EVI5: variants seen among roughly 807,000 people sequenced by gnomAD.
EVI5 encodes the protein ecotropic viral integration site 5 protein homolog.
Under a neutral mutation model 112.0 loss-of-function variants are expected in EVI5, and 73 were observed. The ratio of observed to expected loss-of-function variants is 0.65; its 90% confidence interval spans 0.54 to 0.79. The LOEUF (loss-of-function observed/expected upper bound fraction) is 0.79. Among genes scored for constraint, EVI5 ranks in the 30% least tolerant of loss-of-function variants. The pLI, the probability that EVI5 is intolerant of heterozygous loss-of-function variation, is 0.00. For missense variants in EVI5, 900 were observed against 968.8 expected (o/e 0.93, Z 0.94); for synonymous variants, 305 against 319.9 (o/e 0.95, Z 0.50).
At chr1:92,721,744 AT>A (rs1448741111) in intron 2 of EVI5, among the ~76,000 whole-genome samples, 2 of 152,202 alleles carry the variant, frequency 1.3e-5, no homozygotes, top group Admixed American at 1.3e-4. Context: ...CACATCTGGT[AT>A]TCTGGGGTAA....
chr1:92,695,068 T>G (rs540227834), intron 7 of EVI5, among the ~76,000 whole-genome samples: 6 of 152,354 alleles, frequency 3.9e-5, no homozygotes, highest in Middle Eastern at 3.4e-3. Context: ...ATGTATTGTG[T>G]GTCCATAGAC....
At chr1:92,642,692 T>A (rs529876008) in intron 13 of EVI5, among the ~76,000 whole-genome samples, 4 of 152,252 alleles carry the variant, frequency 2.6e-5, no homozygotes, top group Non-Finnish European at 5.9e-5. Context: ...GATGGGTTTA[T>A]ATTCTTCATA....
At chr1:92,558,028 G>A (rs147021915) in intron 19 of EVI5, among the ~76,000 whole-genome samples, 4 of 152,222 alleles carry the variant, frequency 2.6e-5, no homozygotes, top group East Asian at 1.9e-4. Flanking sequence ...ATGGGCCTCC[G>A]TGCCTGGCCA....
At chr1:92,785,255 C>T (rs1037551044), upstream of EVI5, 22 of 251,688 alleles carry the variant, frequency 8.7e-5, no homozygotes, top group African/African-American at 5.1e-4. Context: ...GGAAATCGCT[C>T]TCGCCCTCCG....
intron 9 of EVI5, among the ~76,000 whole-genome samples, chr1:92,691,410 T>C (rs1020616423): frequency 1.3e-5 from 2 of 152,166 alleles, no homozygotes; most frequent in African/African-American, 4.8e-5. Context: ...ATATTAACAG[T>C]TGTTAAATAC....
intron 13 of EVI5, among the ~76,000 whole-genome samples, chr1:92,640,351 T>C (rs909578689): frequency 5.9e-5 from 9 of 152,120 alleles, no homozygotes; most frequent in Non-Finnish European, 1.3e-4. Flanking sequence ...ATTTTTGCAA[T>C]CTACCCATCT....
intron 2 of EVI5, among the ~76,000 whole-genome samples, chr1:92,710,085 G>GAAAAAAAAAAAAAAAAA (rs1672609156): frequency 3.0e-4 from 1 of 3,316 alleles, no homozygotes; most frequent in Non-Finnish European, 5.9e-4. Flanking sequence ...TTATTGCAAA[G>GAAAAAAAAAAAAAAAAA]CAAAAAAAAA....
intron 14 of EVI5, among the ~76,000 whole-genome samples, chr1:92,632,880 T>C (rs904898752): frequency 2.6e-5 from 4 of 152,250 alleles, no homozygotes; most frequent in East Asian, 3.8e-4. Context: ...TGTGTCTTTG[T>C]CCTCATTGGT....
chr1:92,552,880 T>C (rs1667152069), intron 19 of EVI5, among the ~76,000 whole-genome samples: 1 of 152,076 alleles, frequency 6.6e-6, no homozygotes, highest in South Asian at 2.1e-4. Context: ...ATCTAGCATC[T>C]TACCCCTCTC....
chr1:92,513,167 A>G lies in EVI5; in HGVS notation c.*489T>C, dbSNP rs78900584. 1 of 26,594 alleles carries G rather than the reference A, an allele frequency of 3.8e-5. No individual in the cohort carries two copies. The highest frequency in any genetic ancestry group is 7.7e-5 in the African/African-American group (1 of 12,960). 1.6% of individuals were successfully genotyped at this position (26,594 alleles called of 1,614,324 possible). A position where few individuals can be genotyped will look rare whatever the true frequency, so the allele number is the denominator to read the frequency against. On this transcript the variant is annotated 3_prime_UTR_variant, in exon 20 of 20. Transcript: ENST00000684568. ...TGTCTTAAAAAAAAAAACAACAATA[A>G]AAAAAAAAACACAAGGTAAATCAGA... is the stretch of plus-strand genomic sequence containing the variant.
intron 9 of EVI5, among the ~76,000 whole-genome samples, chr1:92,689,523 C>T (rs1328552236): frequency 6.6e-6 from 1 of 152,162 alleles, no homozygotes; most frequent in African/African-American, 2.4e-5. Context: ...GGCGCCACCA[C>T]ATCCAGCTAA....
chr1:92,746,984 G>A (rs554870758), intron 1 of EVI5, among the ~76,000 whole-genome samples: 28 of 152,020 alleles, frequency 1.8e-4, no homozygotes, highest in Non-Finnish European at 3.4e-4. Flanking sequence ...TACAAGTAAC[G>A]GGGGAAAAGC....
At chr1:92,600,183 C>T (rs1483188020) in intron 18 of EVI5, among the ~76,000 whole-genome samples, 3 of 151,904 alleles carry the variant, frequency 2.0e-5, no homozygotes, top group Admixed American at 1.3e-4. Context: ...GAAGAGTTGG[C>T]GATATGCAAA....
At chr1:92,691,198 G>C (rs1423962030) in intron 9 of EVI5, among the ~76,000 whole-genome samples, 2 of 152,146 alleles carry the variant, frequency 1.3e-5, no homozygotes, top group Admixed American at 1.3e-4. Context: ...AACATAGACT[G>C]AGTATTAGGC....
At chr1:92,769,557 G>A (rs547972837) in intron 1 of EVI5, among the ~76,000 whole-genome samples, 88 of 152,118 alleles carry the variant, frequency 5.8e-4, no homozygotes, top group Middle Eastern at 6.8e-3. Flanking sequence ...TATCTTATAC[G>A]GCAGAGGGTG....
At chr1:92,528,430 T>C (rs535592175) in intron 19 of EVI5, among the ~76,000 whole-genome samples, 17 of 152,270 alleles carry the variant, frequency 1.1e-4, no homozygotes, top group Admixed American at 3.3e-4. Context: ...TGAACAATTA[T>C]AGTAGTCACC....
In EVI5 at chr1:92,540,420, C is replaced by T. The variant is rs150469979; in HGVS notation, c.2166+23222G>A. On this transcript the variant is annotated intron_variant, in intron 19 of 19. Coordinates refer to ENST00000684568, the MANE Select transcript of EVI5 (RefSeq NM_001350197.2). ...TCTCACTGTCATTTTGGTTTGCATT[C>T]CCTTGATCACTGATGTTGGGCATAT... Among the ~76,000 whole-genome samples the T allele has an allele frequency of 7.0e-4, 107 of 152,238 alleles. 1 individual carries two copies. Among genetic ancestry groups the T allele is most frequent in the African/African-American group, 2.5e-3 (104 of 41,534 alleles).
intron 19 of EVI5, among the ~76,000 whole-genome samples, chr1:92,533,690 T>A (rs189901964): frequency 3.3e-4 from 50 of 152,262 alleles, no homozygotes; most frequent in Non-Finnish European, 6.2e-4. Flanking sequence ...ACCACGTTTA[T>A]CTCAATAGAT....
At chr1:92,538,784 A>T (rs1664296613) in intron 19 of EVI5, among the ~76,000 whole-genome samples, 1 of 152,160 alleles carries the variant, frequency 6.6e-6, no homozygotes, top group Admixed American at 6.6e-5. Flanking sequence ...GCAGAGGTGG[A>T]GGGAGGAGAA....
Sources: gnomAD v4.1 joint callset for allele counts (sites outside exome capture counted in the v4.1 genomes callset) on GRCh38, gnomAD v4.1.1 for gene constraint, MANE v1.5 for transcripts, NCBI Gene and HGNC (gene_info 2026-07-23, HGNC 2026-07-21) for gene names.